PITPNC1: variants seen among roughly 807,000 people sequenced by gnomAD.
PITPNC1 encodes the protein cytoplasmic phosphatidylinositol transfer protein 1.
In PITPNC1, 18 loss-of-function variants were observed where a neutral mutation model predicts 44.7. The ratio of observed to expected loss-of-function variants is 0.40; its 90% confidence interval spans 0.28 to 0.60. PITPNC1 has a LOEUF of 0.60. Among genes scored for constraint, PITPNC1 ranks in the 20% least tolerant of loss-of-function variants. PITPNC1 has a pLI of 0.39. For synonymous variants in PITPNC1, 141 were observed against 149.6 expected (o/e 0.94, Z 0.42); for missense variants, 290 against 418.4 (o/e 0.69, Z 2.68).
intron 1 of PITPNC1, among the ~76,000 whole-genome samples, chr17:67,387,673 T>C (rs2038075249): frequency 1.3e-5 from 2 of 152,070 alleles, no homozygotes; most frequent in South Asian, 4.1e-4. Context: ...CAAAATAAAA[T>C]ATAAAATAAA....
intron 5 of PITPNC1, among the ~76,000 whole-genome samples, chr17:67,625,602 C>G (rs929419963): frequency 2.6e-5 from 4 of 152,170 alleles, no homozygotes; most frequent in Non-Finnish European, 5.9e-5. Flanking sequence ...GAACATTTCA[C>G]CTTGTCCCTG....
chr17:67,576,469 A>G (rs1055232586), intron 4 of PITPNC1, among the ~76,000 whole-genome samples: 3 of 152,200 alleles, frequency 2.0e-5, no homozygotes, highest in African/African-American at 7.2e-5. Context: ...GGAATCATGT[A>G]TAAGGGATCC....
At chr17:67,446,049 C>CA (rs1043777051) in intron 1 of PITPNC1, among the ~76,000 whole-genome samples, 23 of 152,162 alleles carry the variant, frequency 1.5e-4, no homozygotes, top group African/African-American at 5.1e-4. Flanking sequence ...CGGGTTCAGG[C>CA]AATTCTCCTG....
intron 1 of PITPNC1, among the ~76,000 whole-genome samples, chr17:67,434,215 C>T (rs984578405): frequency 2.6e-5 from 4 of 152,180 alleles, no homozygotes; most frequent in Non-Finnish European, 4.4e-5. Context: ...AATGCTGACA[C>T]CTCAGCTGTG....
chr17:67,487,248 C>T (rs1329770095), intron 1 of PITPNC1, among the ~76,000 whole-genome samples: 2 of 152,082 alleles, frequency 1.3e-5, no homozygotes, highest in Non-Finnish European at 2.9e-5. Flanking sequence ...GATCTCAGCT[C>T]ACTGCAACCT....
intron 4 of PITPNC1, among the ~76,000 whole-genome samples, chr17:67,574,882 G>A (rs1027976589): frequency 6.6e-6 from 1 of 152,152 alleles, no homozygotes; most frequent in African/African-American, 2.4e-5. Flanking sequence ...CTGAAGCCAG[G>A]TGCACTACTC....
At chr17:67,401,922 A>G (rs961953571) in intron 1 of PITPNC1, among the ~76,000 whole-genome samples, 20 of 152,174 alleles carry the variant, frequency 1.3e-4, no homozygotes, top group Admixed American at 1.3e-4. Flanking sequence ...GCTACTCTCA[A>G]TTCCTTCAGA....
chr17:67,616,032 T>G (rs913005614), intron 5 of PITPNC1, among the ~76,000 whole-genome samples: 10 of 152,180 alleles, frequency 6.6e-5, no homozygotes, highest in Non-Finnish European at 1.3e-4. Flanking sequence ...AACTTAGAAG[T>G]GATTTTGTGC....
chr17:67,630,846 G>T (rs2041956403), intron 5 of PITPNC1, among the ~76,000 whole-genome samples: 1 of 151,238 alleles, frequency 6.6e-6, no homozygotes, highest in African/African-American at 2.4e-5. Flanking sequence ...CAAGTAGCTG[G>T]GATTACAGGT....
At chr17:67,515,446 A>C (rs1445686393) in intron 1 of PITPNC1, among the ~76,000 whole-genome samples, 2 of 152,196 alleles carry the variant, frequency 1.3e-5, no homozygotes, top group Non-Finnish European at 2.9e-5. Flanking sequence ...TAGATTGTAC[A>C]TTTCTCCTGG....
At chr17:67,666,219 C>T (rs1034744765) in intron 6 of PITPNC1, among the ~76,000 whole-genome samples, 1 of 152,194 alleles carries the variant, frequency 6.6e-6, no homozygotes, top group Non-Finnish European at 1.5e-5. Context: ...TGGCCTTGAA[C>T]TTCTGGCCTC....
At chr17:67,532,756 G>A (rs1193109375) in intron 1 of PITPNC1, 46 bp from the exon 2 acceptor site, 1 of 1,491,448 alleles carries the variant, frequency 6.7e-7, no homozygotes, top group Admixed American at 2.0e-5. Flanking sequence ...GGATGTCAGG[G>A]GCACGCTGTG....
chr17:67,636,404 C>T (rs117458500), intron 6 of PITPNC1, among the ~76,000 whole-genome samples: 2,126 of 152,068 alleles, frequency 0.014, 15 homozygotes, highest in South Asian at 0.024. Context: ...TCAGCTTTGA[C>T]GCTCAGGGCC....
intron 1 of PITPNC1, among the ~76,000 whole-genome samples, chr17:67,422,746 C>T (rs150797813): frequency 5.8e-4 from 89 of 152,178 alleles, no homozygotes; most frequent in African/African-American, 2.1e-3. Flanking sequence ...ACCATGTTGG[C>T]CAGGCTGGTC....
intron 1 of PITPNC1, among the ~76,000 whole-genome samples, chr17:67,485,234 C>T (rs996309397): frequency 1.4e-4 from 21 of 151,790 alleles, no homozygotes; most frequent in Non-Finnish European, 2.5e-4. Flanking sequence ...TTACCATGAG[C>T]GCAGTGGGAA....
At chr17:67,625,346 G>A (rs2041882984) in intron 5 of PITPNC1, among the ~76,000 whole-genome samples, 2 of 152,094 alleles carry the variant, frequency 1.3e-5, no homozygotes, top group African/African-American at 2.4e-5. Context: ...CCCCTGTAAA[G>A]CTTTGGCTTG....
intron 6 of PITPNC1, among the ~76,000 whole-genome samples, chr17:67,644,356 C>T (rs1187714494): frequency 6.6e-6 from 1 of 151,708 alleles, no homozygotes; most frequent in Non-Finnish European, 1.5e-5. Flanking sequence ...GCCCAAGGCT[C>T]TCAGCCAGGA....
At position 67,613,822 on chromosome 17, in the gene PITPNC1, C is replaced by CAAAA. The variant is rs34474722; in HGVS notation, c.367-18309_367-18306dup. On this transcript the variant is annotated intron_variant, in intron 5 of 8. Coordinates refer to ENST00000581322, the MANE Select transcript of PITPNC1 (RefSeq NM_012417.4). ...TGGGCAACAGAGTGAGACTCCGTCT[C>CAAAA]AAAAAAAAAAAAAAAGGAGTGCTGG... is the stretch of plus-strand genomic sequence containing the variant. 80 of 76,756 alleles carry CAAAA rather than the reference C, an allele frequency of 1.0e-3. 1 individual carries two copies. The highest frequency in any genetic ancestry group is 1.2e-3 in the Non-Finnish European group (49 of 39,408). 4.8% of individuals were successfully genotyped at this position (76,756 alleles called of 1,614,324 possible).
In PITPNC1 at chr17:67,694,364, G is replaced by A. The variant is rs2042976222; in HGVS notation, c.*1476G>A. ...GATCGTAACCTCCAACCTCAGGAAA[G>A]GGACCTTCCCAAAACACAGATCCCA... On this transcript the variant is annotated 3_prime_UTR_variant, in exon 9 of 9. Coordinates refer to ENST00000581322, the MANE Select transcript of PITPNC1 (RefSeq NM_012417.4). 1 of 152,254 alleles carries A rather than the reference G, an allele frequency of 6.6e-6. No homozygotes were observed. Among genetic ancestry groups the A allele is most frequent in the Admixed American group, 6.5e-5 (1 of 15,278 alleles). 9.4% of individuals were successfully genotyped at this position (152,254 alleles called of 1,614,324 possible). A position where few individuals can be genotyped will look rare whatever the true frequency, so the allele number is the denominator to read the frequency against.
Sources: gnomAD v4.1 joint callset for allele counts (sites outside exome capture counted in the v4.1 genomes callset) on GRCh38, gnomAD v4.1.1 for gene constraint, MANE v1.5 for transcripts, NCBI Gene and HGNC (gene_info 2026-07-23, HGNC 2026-07-21) for gene names.